Variants in MAGI1 observed in about 807,000 individuals in gnomAD.
MAGI1 encodes membrane associated guanylate kinase, WW and PDZ domain containing 1.
In MAGI1, 58 loss-of-function variants were observed where a neutral mutation model predicts 139.9. The ratio of observed to expected loss-of-function variants is 0.41; its 90% CI spans 0.34 to 0.52. The LOEUF is 0.52. MAGI1 is among the 20% of genes least tolerant of loss of function. MAGI1 has a pLI of 0.12. For missense variants in MAGI1, 1,874 were observed against 1,901.6 expected, an observed-to-expected ratio of 0.99 and a Z score of 0.27; for synonymous variants, 812 against 737.9, an observed-to-expected ratio of 1.10 and a Z score of -1.63.
intron 1 of MAGI1, among the ~76,000 whole-genome samples, chr3:65,976,057 T>C (rs78628733): frequency 0.016 from 2,459 of 152,270 alleles, 60 homozygotes; most frequent in African/African-American, 0.053. Flanking sequence ...AAGTTGTCCT[T>C]TGCAAGTGTT....
intron 1 of MAGI1, among the ~76,000 whole-genome samples, chr3:65,980,800 A>G (rs532730031): frequency 1.3e-5 from 2 of 152,296 alleles, no homozygotes; most frequent in Non-Finnish European, 2.9e-5. Context: ...TACCCCGTCC[A>G]ATGTTTATTC....
In MAGI1 at chr3:65,356,419, T is replaced by C; in HGVS notation, c.4348A>G (p.Arg1450Gly). 1 of 1,606,820 alleles carries C rather than the reference T, an allele frequency of 6.2e-7. No homozygotes were observed. Among genetic ancestry groups the C allele is most frequent in the Non-Finnish European group, 8.5e-7 (1 of 1,178,054 alleles). Residue 1450 changes from arginine (R) to glycine (G), a missense_variant, in exon 23 of 23, where the codon AGG becomes GGG. Physicochemically the swap from Arg to Gly is moderately radical, Grantham distance 125 (BLOSUM62 -2). Around this residue, in one of 5 missense-constraint regions of MAGI1, gnomAD observed 653 missense variants for 644.5 expected, o/e 1.01. Transcript: ENST00000402939. ...GTGCTACATTCTTTGTAAGGTCGCC[T>C]TCTCTGCTCCGGGGGATGTCTGGAA... ...RSSRHPPEQRRRPYKECSTDL... is the reference protein window; with the variant it reads ...RSSRHPPEQRGRPYKECSTDL...
At chr3:65,405,602 CTT>C (rs68024359) in intron 12 of MAGI1, among the ~76,000 whole-genome samples, 1 of 148,596 alleles carries the variant, frequency 6.7e-6, no homozygotes. Flanking sequence ...TATACTGCTT[CTT>C]TTTTTTTTTG....
At chr3:65,516,753 A>G (rs2077907210) in intron 2 of MAGI1, among the ~76,000 whole-genome samples, 2 of 85,082 alleles carry the variant, frequency 2.4e-5, no homozygotes, top group African/African-American at 4.6e-5. Flanking sequence ...TTTGAGACGG[A>G]GTCTCGCTCT....
At chr3:65,628,317 T>C (rs1252471292) in intron 1 of MAGI1, among the ~76,000 whole-genome samples, 12 of 152,166 alleles carry the variant, frequency 7.9e-5, no homozygotes, top group Non-Finnish European at 1.5e-4. Context: ...GGACTCGTTA[T>C]ATAGTTGTAC....
intron 1 of MAGI1, among the ~76,000 whole-genome samples, chr3:66,027,057 C>A (rs2068311010): frequency 6.6e-6 from 1 of 151,594 alleles, no homozygotes; most frequent in South Asian, 2.1e-4. Context: ...ATCACAAGGT[C>A]AGGAGATCGA....
At chr3:65,882,319 A>C (rs2060359088) in intron 1 of MAGI1, among the ~76,000 whole-genome samples, 2 of 152,218 alleles carry the variant, frequency 1.3e-5, no homozygotes, top group African/African-American at 4.8e-5. Context: ...ACAAAGCTGA[A>C]GAAATCGCCT....
intron 1 of MAGI1, among the ~76,000 whole-genome samples, chr3:65,684,145 G>A (rs115517239): frequency 7.3e-6 from 1 of 136,402 alleles, no homozygotes. Flanking sequence ...CTGGATTCCA[G>A]CCTGAGCAAC....
chr3:65,717,977 A>G (rs2032482155), intron 1 of MAGI1, among the ~76,000 whole-genome samples: 1 of 152,160 alleles, frequency 6.6e-6, no homozygotes, highest in Non-Finnish European at 1.5e-5. Context: ...TTCTACTACC[A>G]TGGTAGATTC....
intron 2 of MAGI1, among the ~76,000 whole-genome samples, chr3:65,543,933 A>T (rs1408911350): frequency 6.6e-6 from 1 of 152,172 alleles, no homozygotes; most frequent in African/African-American, 2.4e-5. Flanking sequence ...TGTTTATCAC[A>T]GCTATTTAAA....
Position 65,353,688 on chromosome 3 carries a change from G to A in MAGI1, c.*2690C>T, listed in dbSNP as rs892836351. Reference sequence around the variant, plus strand: ...ACGGAGGGAGACAAATTCCTAAATCGTTTGATTTCATCATACAAAATACTC... The same window carrying A: ...ACGGAGGGAGACAAATTCCTAAATCATTTGATTTCATCATACAAAATACTC... On this transcript the variant is annotated 3_prime_UTR_variant, in exon 23 of 23. Transcript: ENST00000402939. 2 of 151,960 alleles carry A rather than the reference G, an allele frequency of 1.3e-5. No individual in the cohort carries two copies. The highest frequency in any genetic ancestry group is 2.4e-5 in the African/African-American group (1 of 41,370). The allele number at this position is 151,960 out of a possible 1,614,324, so 9.4% of individuals were successfully genotyped here. A position where few individuals can be genotyped will look rare whatever the true frequency, so the allele number is the denominator to read the frequency against.
chr3:65,885,247 AT>A (rs2060485387), intron 1 of MAGI1, among the ~76,000 whole-genome samples: 1 of 151,866 alleles, frequency 6.6e-6, no homozygotes, highest in Non-Finnish European at 1.5e-5. Context: ...AAAAACACAA[AT>A]TAGCCCGGTG....
chr3:65,751,728 C>A (rs150486760), intron 1 of MAGI1, among the ~76,000 whole-genome samples: 35 of 152,260 alleles, frequency 2.3e-4, no homozygotes, highest in East Asian at 1.9e-3. Context: ...TATGCATGTG[C>A]ATTCCATATA....
At chr3:65,927,582 C>G (rs148168320) in intron 1 of MAGI1, among the ~76,000 whole-genome samples, 1 of 152,162 alleles carries the variant, frequency 6.6e-6, no homozygotes, top group African/African-American at 2.4e-5. Context: ...AATCAGGGTG[C>G]TTCTGTAGGT....
At chr3:65,491,723 G>C (rs968906954) in intron 3 of MAGI1, among the ~76,000 whole-genome samples, 26 of 133,512 alleles carry the variant, frequency 1.9e-4, no homozygotes, top group African/African-American at 7.2e-4. Flanking sequence ...TACACTCCTA[G>C]ACCTCGATTA....
chr3:65,905,683 GCA>G (rs1310458351), intron 1 of MAGI1, among the ~76,000 whole-genome samples: 1 of 151,982 alleles, frequency 6.6e-6, no homozygotes, highest in Non-Finnish European at 1.5e-5. Flanking sequence ...ATACCATTGT[GCA>G]CAGGTTAACA....
chr3:65,636,073 A>G lies in MAGI1; in HGVS notation c.314-13985T>C, dbSNP rs992486239. Among the ~76,000 whole-genome samples the G allele has an allele frequency of 2.0e-5, 3 of 152,200 alleles. No homozygotes were observed. In the South Asian group the frequency reaches 6.2e-4, roughly 32 times the overall value. ...TCTCTTTAAATAGTTTCAAATTCAG[A>G]AACAAAAGAGAGAGTCACAAGTAAT... On this transcript the variant is annotated intron_variant, in intron 1 of 22. Transcript: ENST00000402939.
chr3:65,832,895 T>C (rs1317899927), intron 1 of MAGI1, among the ~76,000 whole-genome samples: 2 of 152,198 alleles, frequency 1.3e-5, no homozygotes, highest in African/African-American at 4.8e-5. Context: ...TCCTACTCAC[T>C]GCTTTCACCC....
At chr3:65,690,258 G>T (rs942947189) in intron 1 of MAGI1, among the ~76,000 whole-genome samples, 81 of 152,082 alleles carry the variant, frequency 5.3e-4, no homozygotes, top group African/African-American at 1.9e-3. Context: ...CAGAGGAAGA[G>T]AAAAACCAAG....
Sources: gnomAD v4.1 joint callset for allele counts (sites outside exome capture counted in the v4.1 genomes callset) on GRCh38, gnomAD v4.1.1 for gene constraint, gnomAD v4.1.1 regional missense constraint, MANE v1.5 for transcripts, NCBI Gene and HGNC (gene_info 2026-07-23, HGNC 2026-07-21) for gene names.